Variants in PRR3 observed in about 807,000 individuals in gnomAD.
PRR3 encodes proline rich 3.
Under a neutral mutation model 22.4 loss-of-function variants are expected in PRR3, and 16 were observed. The ratio of observed to expected loss-of-function variants is 0.71; its 90% CI spans 0.48 to 1.09. The LOEUF (loss-of-function observed/expected upper bound fraction) is 1.09, where lower values mean the gene tolerates loss of function less well. Ranked by LOEUF, PRR3 falls within the 50% of genes least tolerant of loss-of-function variation. The pLI is 0.00. For missense variants in PRR3, 224 were observed against 243.4 expected, an observed-to-expected ratio of 0.92 and a Z score of 0.53; for synonymous variants, 87 against 88.6, an observed-to-expected ratio of 0.98 and a Z score of 0.10.
In PRR3 at chr6:30,557,297, C is replaced by A; in HGVS notation, c.-48C>A. 6.8e-7 allele frequency: 1 copy of A among 1,476,960 alleles called. No individual in the cohort carries two copies. The highest frequency in any genetic ancestry group is 9.4e-7 in the Non-Finnish European group (1 of 1,066,970). 91.5% of individuals were successfully genotyped at this position (1,476,960 alleles called of 1,614,324 possible). A position where few individuals can be genotyped will look rare whatever the true frequency, so the allele number is the denominator to read the frequency against. On this transcript the variant is annotated 5_prime_UTR_variant, in exon 1 of 4. Coordinates refer to ENST00000376560, the MANE Select transcript of PRR3 (RefSeq NM_025263.4). The stretch of plus-strand genomic sequence containing the variant: ...GCGGAAACAGAATCCCCGCGTGCCC[C>A]TTCCTCACTACCCTCCAAATCCCGC...
intron 2 of PRR3, among the ~76,000 whole-genome samples, chr6:30,559,530 A>G (rs1295082191): frequency 6.6e-6 from 1 of 152,232 alleles, no homozygotes; most frequent in Non-Finnish European, 1.5e-5. Context: ...CATTTGAAAA[A>G]TTGACAAAAA....
chr6:30,556,775 G>A (rs565455440), upstream of PRR3: 9 of 440,154 alleles, frequency 2.0e-5, no homozygotes, highest in East Asian at 3.8e-4. The surrounding 1 kb of genome is among the most constrained non-coding windows in gnomAD (Gnocchi z 5.7). Flanking sequence ...TTAGGGGAGG[G>A]CGGCGGTCTG....
upstream of PRR3, chr6:30,557,165 G>T: frequency 1.4e-6 from 1 of 704,582 alleles, no homozygotes; most frequent in Non-Finnish European, 2.6e-6. Flanking sequence ...GGCAGAGACG[G>T]AGGGAGGCAG....
intron 2 of PRR3, chr6:30,560,549 CCAAGTCGGG>C (rs1800560115): frequency 6.6e-6 from 1 of 152,012 alleles, no homozygotes; most frequent in South Asian, 2.1e-4. Context: ...CTTTGGGAGG[CCAAGTCGGG>C]CGGATCATGA....
At chr6:30,562,334 A>G in intron 3 of PRR3, 55 bp from the exon 4 acceptor site, 1 of 1,377,042 alleles carries the variant, frequency 7.3e-7, no homozygotes, top group Admixed American at 1.7e-5. Flanking sequence ...GTTTCATTGT[A>G]TTTGTTTTCT....
In PRR3 at chr6:30,561,283, TAAC is replaced by T. The variant is rs1175446709; in HGVS notation, c.170-546_170-544del. 3.3e-5 allele frequency: 15 copies of T among 451,598 alleles called. 1 individual carries two copies. The highest frequency in any genetic ancestry group is 4.0e-5 in the Non-Finnish European group (9 of 224,858). The allele number at this position is 451,598 out of a possible 1,614,324, so 28.0% of individuals were successfully genotyped here. A position where few individuals can be genotyped will look rare whatever the true frequency, so the allele number is the denominator to read the frequency against. ...TTCAACAGAAATGCATACGTATGTG[TAAC>T]AACATGTATAAAAATGTTTATAGTG... On this transcript the variant is annotated intron_variant, in intron 2 of 3. Transcript: ENST00000376560. The surrounding 1 kb of genome is among the most constrained non-coding windows in gnomAD (Gnocchi z 4.0).
chr6:30,563,095 C>G lies in PRR3; in HGVS notation c.*600C>G, dbSNP rs766144755. The G allele has an allele frequency of 1.3e-5, 2 of 152,700 alleles. No homozygotes were observed. The highest frequency in any genetic ancestry group is 2.9e-5 in the Non-Finnish European group (2 of 68,108). The allele number at this position is 152,700 out of a possible 1,614,324, so 9.5% of individuals were successfully genotyped here. A position where few individuals can be genotyped will look rare whatever the true frequency, so the allele number is the denominator to read the frequency against. ...CATGATCCCCACCGCTATGGTCTAT[C>G]TATGATCACCGTGCTTTGTGAAACT... On this transcript the variant is annotated 3_prime_UTR_variant, in exon 4 of 4. Coordinates refer to ENST00000376560, the MANE Select transcript of PRR3 (RefSeq NM_025263.4).
At chr6:30,557,185 G>A (rs1800291326), upstream of PRR3, 2 of 716,018 alleles carry the variant, frequency 2.8e-6, no homozygotes, top group South Asian at 1.5e-5. Context: ...GTTGGCTCCG[G>A]AATGCGGCCG....
At chr6:30,562,222 C>G in intron 3 of PRR3, 98 bp downstream of exon 3, 1 of 1,337,106 alleles carries the variant, frequency 7.5e-7, no homozygotes, top group Non-Finnish European at 1.0e-6. Flanking sequence ...GCTTTTGAAG[C>G]AGAAGTAGAC....
chr6:30,560,028 G>A (rs1562727550), intron 2 of PRR3: 1 of 152,228 alleles, frequency 6.6e-6, no homozygotes, highest in African/African-American at 2.4e-5. Context: ...TTTATGTTAA[G>A]TAAAGACATA....
chr6:30,558,867 TC>T (rs1399512457), intron 2 of PRR3, among the ~76,000 whole-genome samples: 1 of 152,178 alleles, frequency 6.6e-6, no homozygotes, highest in Non-Finnish European at 1.5e-5. Context: ...AATTGGATAT[TC>T]ATGTGAAAAA....
At chr6:30,558,478 A>C in intron 2 of PRR3, 1 of 482,236 alleles carries the variant, frequency 2.1e-6, no homozygotes. Flanking sequence ...GAAATGCAAA[A>C]TATCAAGGCG....
intron 1 of PRR3, 56 bp downstream of exon 1, chr6:30,557,506 C>T (rs905190981): frequency 1.6e-6 from 2 of 1,275,592 alleles, no homozygotes; most frequent in African/African-American, 1.5e-5. Context: ...GGGCAAGGGG[C>T]TAGGGGCTAA....
At chr6:30,556,909 T>C (rs1800255508), upstream of PRR3, 1 of 605,390 alleles carries the variant, frequency 1.7e-6, no homozygotes, top group Admixed American at 2.9e-5. The surrounding 1 kb of genome is among the most constrained non-coding windows in gnomAD (Gnocchi z 5.7). Flanking sequence ...CAAGGACTTT[T>C]GGGGGGAGGT....
Position 30,557,304 on chromosome 6 carries a change from A to G in PRR3, c.-41A>G. On this transcript the variant is annotated 5_prime_UTR_variant, in exon 1 of 4. Transcript: ENST00000376560. ...CAGAATCCCCGCGTGCCCCTTCCTC[A>G]CTACCCTCCAAATCCCGCTGCAGCC... The G allele has an allele frequency of 1.3e-6, 2 of 1,527,990 alleles. No homozygotes were observed. Among genetic ancestry groups the G allele is most frequent in the Non-Finnish European group, 1.8e-6 (2 of 1,110,534 alleles). 94.7% of individuals were successfully genotyped at this position (1,527,990 alleles called of 1,614,324 possible). A position where few individuals can be genotyped will look rare whatever the true frequency, so the allele number is the denominator to read the frequency against.
intron 2 of PRR3, among the ~76,000 whole-genome samples, chr6:30,558,936 T>C (rs1366501584): frequency 6.6e-6 from 1 of 152,218 alleles, no homozygotes. Context: ...AAATGGACTG[T>C]AGATCTAAGT....
At chr6:30,562,352 T>C in intron 3 of PRR3, 37 bp from the exon 4 acceptor site, 13 of 1,501,518 alleles carry the variant, frequency 8.7e-6, no homozygotes, top group Non-Finnish European at 1.2e-5. Flanking sequence ...TCTTTGTTGC[T>C]CAAATTTTTA....
chr6:30,557,495 C>G (rs1800331466), intron 1 of PRR3, 45 bp downstream of exon 1: 4 of 1,397,890 alleles, frequency 2.9e-6, no homozygotes, highest in Non-Finnish European at 4.0e-6. Flanking sequence ...CAAGCCCGTC[C>G]GGGCAAGGGG....
upstream of PRR3, chr6:30,556,942 G>A: frequency 1.6e-6 from 1 of 620,548 alleles, no homozygotes; most frequent in African/African-American, 1.8e-5. The surrounding 1 kb of genome is among the most constrained non-coding windows in gnomAD (Gnocchi z 5.7). Context: ...AGTTGTGCCT[G>A]CAGCTGTTAC....
Sources: allele counts gnomAD v4.1 joint callset (sites outside exome capture counted in the v4.1 genomes callset), GRCh38; gene constraint gnomAD v4.1.1; non-coding constraint Gnocchi (gnomAD v3.1); transcripts MANE v1.5; gene names NCBI Gene and HGNC (gene_info 2026-07-23, HGNC 2026-07-21).